The following DNAH17 variants were observed in gnomAD, a reference collection of about 807,000 sequenced individuals.
DNAH17 encodes dynein axonemal heavy chain 17, also known as axonemal beta dynein heavy chain 17.
In DNAH17, 376 loss-of-function variants were observed where a neutral mutation model predicts 485.6. That is an observed-to-expected ratio of 0.77 (90% CI 0.71 to 0.84). The LOEUF is 0.84. Among genes scored for constraint, DNAH17 ranks in the 40% least tolerant of loss-of-function variants. DNAH17 has a pLI of 0.00. For synonymous variants in DNAH17, 3,031 were observed against 2,405.9 expected, an observed-to-expected ratio of 1.26 and a Z score of -7.60; for missense variants, 6,370 against 5,839.3, an observed-to-expected ratio of 1.09 and a Z score of -2.96.
At chr17:78,566,111 C>G (rs1045026176) in intron 11 of DNAH17, among the ~76,000 whole-genome samples, 1 of 152,054 alleles carries the variant, frequency 6.6e-6, no homozygotes, top group Admixed American at 6.5e-5. Context: ...CACCAGACAC[C>G]GAGTCTGCTG....
At chr17:78,478,395 G>T (rs1431297160) in intron 51 of DNAH17, among the ~76,000 whole-genome samples, 1 of 139,206 alleles carries the variant, frequency 7.2e-6, no homozygotes, top group African/African-American at 2.7e-5. Context: ...ATTATCATCA[G>T]CACCACCATC....
intron 16 of DNAH17, among the ~76,000 whole-genome samples, chr17:78,551,052 C>T (rs1047033582): frequency 6.6e-6 from 1 of 152,018 alleles, no homozygotes. Flanking sequence ...AACCTCATCT[C>T]CACTAAAAAA....
chr17:78,473,804 T>C (rs2088885071), intron 54 of DNAH17, among the ~76,000 whole-genome samples: 1 of 152,186 alleles, frequency 6.6e-6, no homozygotes, highest in African/African-American at 2.4e-5. Context: ...GTTAATAGAC[T>C]AGAGACTTCA....
rs2086497885 is a variant in DNAH17, at chr17:78,427,017, TA to T, written c.12679del (p.Tyr4227ThrfsTer3). 1 of 1,608,438 alleles carries T rather than the reference TA, an allele frequency of 6.2e-7. No individual in the cohort carries two copies. Among genetic ancestry groups the T allele is most frequent in the South Asian group, 1.1e-5 (1 of 89,794 alleles). On this transcript the variant is annotated frameshift_variant, in exon 78 of 81. Coordinates refer to ENST00000389840, the MANE Select transcript of DNAH17 (RefSeq NM_173628.4). LOFTEE classifies it high-confidence loss of function. ...ACATTCTTGAAAGGCGACTACCACG[TA>T]GGGGGTCTTTTCCGCTGCCTTTGCC... ...IMAKAAEKTP[Y>X]VVVAFQECER...
At position 78,445,640 on chromosome 17, in the gene DNAH17, T is replaced by A; in HGVS notation, c.11252A>T (p.Asp3751Val). ...MKKELNPVEL[D>V]FLLRFPFKAG... ...CTTAAAAGGGAACCGCAGGAGGAAA[T>A]CCAGCTCCACTGGGTTCAGCTCCTT... Residue 3751 changes from aspartate (D) to valine (V), a missense_variant, in exon 70 of 81, where the codon GAT becomes GTT. Asp to Val is a radical substitution (Grantham distance 152). Coordinates refer to ENST00000389840, the MANE Select transcript of DNAH17 (RefSeq NM_173628.4). 2 of 1,574,124 alleles carry A rather than the reference T, an allele frequency of 1.3e-6. No individual in the cohort carries two copies. The highest frequency in any genetic ancestry group is 1.7e-6 in the Non-Finnish European group (2 of 1,159,830).
At chr17:78,543,217 C>T (rs979878687) in intron 17 of DNAH17, among the ~76,000 whole-genome samples, 2 of 152,120 alleles carry the variant, frequency 1.3e-5, no homozygotes, top group African/African-American at 4.8e-5. Context: ...CAGGGTCAAG[C>T]GATTCTCCTG....
intron 3 of DNAH17, 30 bp from the exon 4 acceptor site, chr17:78,571,812 T>C (rs774190228): frequency 1.3e-6 from 2 of 1,543,736 alleles, no homozygotes; most frequent in South Asian, 2.5e-5. Flanking sequence ...GGCATTGCTC[T>C]CATGGCGACA....
At chr17:78,425,626 A>G in intron 79 of DNAH17, 55 bp from the exon 80 acceptor site, 1 of 1,493,030 alleles carries the variant, frequency 6.7e-7, no homozygotes, top group Non-Finnish European at 9.0e-7. Flanking sequence ...CATGGGAACG[A>G]CCGGGCCTTG....
chr17:78,485,830 T>C (rs2089582247), intron 46 of DNAH17, 73 bp from the exon 47 acceptor site: 6 of 1,582,180 alleles, frequency 3.8e-6, no homozygotes, highest in Non-Finnish European at 5.2e-6. Context: ...GTGCAGGCCA[T>C]GTTCTACCGA....
Position 78,446,173 on chromosome 17 carries a change from C to CAA in DNAH17, c.11212-495_11212-494dup, listed in dbSNP as rs1157464118. 1.8e-3 allele frequency among the ~76,000 whole-genome samples: 103 copies of CAA among 57,392 alleles called. 14 individuals are homozygous for CAA. Among genetic ancestry groups the CAA allele is most frequent in the African/African-American group, 6.4e-3 (83 of 12,958 alleles). 37.7% of individuals were successfully genotyped at this position (57,392 alleles called of 152,430 possible). A position where few individuals can be genotyped will look rare whatever the true frequency, so the allele number is the denominator to read the frequency against. Reference sequence around the variant, plus strand: ...TGGGCAACAGAGTGAGACTCTGTCTCAAAAAAAAAAAAAAAAAAAAAAAAA... The same window carrying CAA: ...TGGGCAACAGAGTGAGACTCTGTCTCAAAAAAAAAAAAAAAAAAAAAAAAAAA... On this transcript the variant is annotated intron_variant, in intron 69 of 80. Transcript: ENST00000389840.
rs1235978856 is a variant in DNAH17, at chr17:78,492,763, G to A, written c.6411C>T (p.Val2137=). Reference sequence around the variant, plus strand: ...GATAGGTCTTGTTGAGGGATTTGAGGACCTGGCGAAGGTGGGGGTCACTCA... The same window carrying A: ...GATAGGTCTTGTTGAGGGATTTGAGAACCTGGCGAAGGTGGGGGTCACTCA... ...VGNAGSGKSQ[V]LKSLNKTYQN... is the part of the protein sequence containing the mutation. Residue 2137 remains valine, a splice_region_variant and synonymous_variant, in exon 42 of 81, where the codon GTC becomes GTT. Transcript: ENST00000389840. 1.2e-5 allele frequency: 20 copies of A among 1,610,860 alleles called. No homozygotes were observed. The highest frequency in any genetic ancestry group is 1.5e-5 in the Non-Finnish European group (18 of 1,178,554).
Position 78,460,257 on chromosome 17 carries a change from T to G in DNAH17, c.9340A>C (p.Asn3114His), listed in dbSNP as rs1292961203. The change falls in exon 59 of 81, where the codon AAC becomes CAC. Residue 3114 changes from asparagine to histidine, a missense_variant and splice_region_variant. Transcript: ENST00000389840. ...EEVKVEVINK[N>H]VTEKQKACET... ...CAGGCCTTTTGCTTCTCAGTGACGT[T>G]CTGGAAGGAAGATGGACAGGAGAGG... The G allele has an allele frequency of 6.3e-7, 1 of 1,597,936 alleles. No individual in the cohort carries two copies. The highest frequency in any genetic ancestry group is 1.7e-5 in the Admixed American group (1 of 57,794).
Position 78,465,075 on chromosome 17 carries a change from C to T in DNAH17, c.8940+1580G>A, listed in dbSNP as rs201943782. Among the ~76,000 whole-genome samples, 165 of 152,308 alleles carry T rather than the reference C, an allele frequency of 1.1e-3. 1 individual carries two copies. In the East Asian group the frequency reaches 0.021, roughly 20 times the overall value. ...CCTGACTCAGCCTGCCCAGTGCCTGCGATTGCAGGCTCGCGCCGCCACGCC... is the reference window on the plus strand; with the variant it reads ...CCTGACTCAGCCTGCCCAGTGCCTGTGATTGCAGGCTCGCGCCGCCACGCC... On this transcript the variant is annotated intron_variant, in intron 56 of 80. Coordinates refer to ENST00000389840, the MANE Select transcript of DNAH17 (RefSeq NM_173628.4).
At chr17:78,564,602 G>A (rs1369405238) in intron 11 of DNAH17, among the ~76,000 whole-genome samples, 3 of 152,084 alleles carry the variant, frequency 2.0e-5, no homozygotes, top group East Asian at 1.9e-4. Flanking sequence ...ATCCTTCAGG[G>A]GCTCCACGTG....
At chr17:78,441,417 C>T (rs1260521288) in intron 71 of DNAH17, among the ~76,000 whole-genome samples, 1 of 152,074 alleles carries the variant, frequency 6.6e-6, no homozygotes, top group Non-Finnish European at 1.5e-5. Flanking sequence ...CCGAGGGGCC[C>T]CGCACTGTGC....
chr17:78,465,184 G>C (rs1302956713), intron 56 of DNAH17, among the ~76,000 whole-genome samples: 1 of 152,204 alleles, frequency 6.6e-6, no homozygotes, highest in African/African-American at 2.4e-5. Context: ...CGCCAGCCTC[G>C]GCCTCCCGAG....
chr17:78,445,810 G>A (rs2087263730), intron 69 of DNAH17, 130 bp from the exon 70 acceptor site: 1 of 999,270 alleles, frequency 1.0e-6, no homozygotes, highest in Admixed American at 2.9e-5. Context: ...TGCCCCTTTG[G>A]TTTGGGGTAA....
Position 78,437,641 on chromosome 17 carries a change from C to T in DNAH17, c.12033G>A (p.Gln4011=), listed in dbSNP as rs1208255169. The change falls in exon 74 of 81, where the codon CAG becomes CAA. Residue 4011 remains glutamine (Q), a splice_region_variant and synonymous_variant. Transcript: ENST00000389840. ...GCAGCCCGAGCAGGCGTGGCCCTAC[C>T]TGGGTGAACAGGTCCAGGGCCTTGT... The part of the protein sequence containing the change: ...NLHKALDLFT[Q]DTLEMCTKEM... 1 of 1,604,392 alleles carries T rather than the reference C, an allele frequency of 6.2e-7. No individual in the cohort carries two copies. The highest frequency in any genetic ancestry group is 1.1e-5 in the South Asian group (1 of 90,090).
At chr17:78,468,096 G>A (rs966893582) in intron 55 of DNAH17, among the ~76,000 whole-genome samples, 4 of 150,088 alleles carry the variant, frequency 2.7e-5, no homozygotes, top group African/African-American at 4.9e-5. Context: ...TGGGGAGGGG[G>A]TCCACATAGA....
Sources: gnomAD v4.1 joint callset for allele counts (sites outside exome capture counted in the v4.1 genomes callset) on GRCh38, gnomAD v4.1.1 for gene constraint, MANE v1.5 for transcripts, NCBI Gene and HGNC (gene_info 2026-07-23, HGNC 2026-07-21) for gene names.